The following FGF12 variants were observed in gnomAD, a reference collection of about 807,000 sequenced individuals.
FGF12 encodes fibroblast growth factor 12.
Under a neutral mutation model 23.6 loss-of-function variants are expected in FGF12, and 14 were observed. The ratio of observed to expected loss-of-function variants is 0.59; its 90% confidence interval spans 0.39 to 0.93. The LOEUF is 0.93. Ranked by LOEUF, FGF12 falls within the 40% of genes least tolerant of loss-of-function variation. FGF12 has a pLI of 0.00. For synonymous variants in FGF12, 62 were observed against 77.3 expected, an observed-to-expected ratio of 0.80 and a Z score of 1.04; for missense variants, 175 against 217.8, an observed-to-expected ratio of 0.80 and a Z score of 1.24.
At chr3:192,328,154 C>T (rs1030838386) in intron 4 of FGF12, among the ~76,000 whole-genome samples, 7 of 152,184 alleles carry the variant, frequency 4.6e-5, no homozygotes, top group East Asian at 1.9e-4. Flanking sequence ...TGGACTATGG[C>T]ATTCACTTCA....
intron 5 of FGF12, among the ~76,000 whole-genome samples, chr3:192,165,805 G>A (rs145132925): frequency 1.0e-3 from 155 of 152,256 alleles, no homozygotes; most frequent in Admixed American, 2.4e-3. Context: ...TCAGATTGAA[G>A]GGCAACATAG....
intron 4 of FGF12, among the ~76,000 whole-genome samples, chr3:192,269,838 G>GCT (rs1713315614): frequency 1.3e-5 from 2 of 151,980 alleles, no homozygotes; most frequent in Admixed American, 1.3e-4. Context: ...CAGACATACA[G>GCT]CTCTTTTTTT....
At chr3:192,182,859 T>C (rs1171199072) in intron 4 of FGF12, among the ~76,000 whole-genome samples, 3 of 152,230 alleles carry the variant, frequency 2.0e-5, no homozygotes, top group African/African-American at 4.8e-5. Flanking sequence ...CCTGCGAATA[T>C]GCAGTAAAGG....
intron 4 of FGF12, among the ~76,000 whole-genome samples, chr3:192,324,847 T>G (rs1349696373): frequency 6.6e-6 from 1 of 152,326 alleles, no homozygotes; most frequent in South Asian, 2.1e-4. Flanking sequence ...AGGTCCTCAT[T>G]AGTGCTGCTC....
chr3:192,583,410 T>TA (rs564928364), intron 2 of FGF12, among the ~76,000 whole-genome samples: 5 of 152,320 alleles, frequency 3.3e-5, no homozygotes, highest in African/African-American at 1.2e-4. Flanking sequence ...TTACCGGTCC[T>TA]AAAAAAATAC....
chr3:192,445,042 A>G (rs2108798652), intron 2 of FGF12, among the ~76,000 whole-genome samples: 1 of 152,342 alleles, frequency 6.6e-6, no homozygotes, highest in East Asian at 1.9e-4. Context: ...TGGGCAGTAA[A>G]TTCCACCATG....
intron 2 of FGF12, among the ~76,000 whole-genome samples, chr3:192,632,613 C>T (rs962700328): frequency 6.6e-6 from 1 of 152,164 alleles, no homozygotes; most frequent in Non-Finnish European, 1.5e-5. Flanking sequence ...TTTAAATTCG[C>T]AGATATTTGT....
intron 5 of FGF12, among the ~76,000 whole-genome samples, chr3:192,152,504 G>T (rs1488685119): frequency 2.0e-5 from 3 of 150,756 alleles, no homozygotes; most frequent in Non-Finnish European, 4.4e-5. Context: ...AGAGATTCTG[G>T]TATGTTATGT....
intron 2 of FGF12, among the ~76,000 whole-genome samples, chr3:192,460,605 C>T (rs764159956): frequency 6.6e-6 from 1 of 151,772 alleles, no homozygotes; most frequent in Non-Finnish European, 1.5e-5. Flanking sequence ...TAGCTCCACA[C>T]TCACCCCTTT....
At chr3:192,411,012 A>G (rs1455996240) in intron 2 of FGF12, among the ~76,000 whole-genome samples, 1 of 152,164 alleles carries the variant, frequency 6.6e-6, no homozygotes, top group Non-Finnish European at 1.5e-5. Flanking sequence ...AGCATCTAGG[A>G]TAGTGCGAAA....
chr3:192,541,573 G>A (rs183579221), intron 2 of FGF12, among the ~76,000 whole-genome samples: 3 of 152,038 alleles, frequency 2.0e-5, no homozygotes, highest in African/African-American at 7.2e-5. Flanking sequence ...TCAAAATTAT[G>A]GTGTCAAAAT....
intron 2 of FGF12, among the ~76,000 whole-genome samples, chr3:192,664,465 A>G (rs946135817): frequency 2.0e-5 from 3 of 151,840 alleles, no homozygotes; most frequent in African/African-American, 7.3e-5. Context: ...AAAGTCACCA[A>G]AGGCGGGGCA....
intron 2 of FGF12, among the ~76,000 whole-genome samples, chr3:192,568,804 G>A (rs1712463162): frequency 6.6e-6 from 1 of 152,082 alleles, no homozygotes; most frequent in South Asian, 2.1e-4. Flanking sequence ...ATCACTGTGA[G>A]GTAGTGTTCA....
intron 2 of FGF12, among the ~76,000 whole-genome samples, chr3:192,562,805 C>T (rs183761602): frequency 3.8e-4 from 58 of 151,118 alleles, no homozygotes; most frequent in African/African-American, 1.3e-3. Context: ...CGCAATGTTT[C>T]ACTGTGCTAT....
chr3:192,362,794 C>T (rs564177723), intron 2 of FGF12, among the ~76,000 whole-genome samples: 3 of 152,014 alleles, frequency 2.0e-5, no homozygotes, highest in South Asian at 2.1e-4. Context: ...ATCAAGGACA[C>T]GGTATAAGGG....
chr3:192,665,526 C>T (rs1449304652), intron 2 of FGF12, among the ~76,000 whole-genome samples: 3 of 150,668 alleles, frequency 2.0e-5, no homozygotes, highest in Non-Finnish European at 2.9e-5. Context: ...AACCAAATAC[C>T]GCATGTTCTC....
At chr3:192,517,852 T>G (rs80107271) in intron 2 of FGF12, among the ~76,000 whole-genome samples, 2 of 152,190 alleles carry the variant, frequency 1.3e-5, no homozygotes, top group African/African-American at 4.8e-5. Flanking sequence ...CAACTCCTCA[T>G]GTGATTGTCA....
intron 2 of FGF12, among the ~76,000 whole-genome samples, chr3:192,402,026 A>T (rs1045196653): frequency 6.6e-6 from 1 of 152,236 alleles, no homozygotes; most frequent in African/African-American, 2.4e-5. Context: ...AAACTTGCCT[A>T]ATGTTCTTAC....
At chr3:192,725,413 A>G (rs1719179212) in intron 2 of FGF12, among the ~76,000 whole-genome samples, 1 of 152,106 alleles carries the variant, frequency 6.6e-6, no homozygotes, top group Non-Finnish European at 1.5e-5. Flanking sequence ...CTGGATTGAC[A>G]TAGAACTTCT....
Sources: allele counts gnomAD v4.1 joint callset (sites outside exome capture counted in the v4.1 genomes callset), GRCh38; gene constraint gnomAD v4.1.1; transcripts MANE v1.5; gene names NCBI Gene and HGNC (gene_info 2026-07-23, HGNC 2026-07-21).